The following ALDH8A1 variants were observed in gnomAD, a reference collection of about 807,000 sequenced individuals.
ALDH8A1 encodes 2-aminomuconic semialdehyde dehydrogenase.
ALDH8A1 carries 39 observed loss-of-function variants against 43.3 expected under a neutral mutation model. That is an observed-to-expected ratio of 0.90 (90% confidence interval 0.70 to 1.18). ALDH8A1 has a LOEUF of 1.18. Ranked by LOEUF, ALDH8A1 falls within the 50% of genes most tolerant of loss-of-function variation. The probability of loss-of-function intolerance (pLI) is 0.00; values close to 1 mark genes in which losing one functional copy is unlikely to be tolerated. For synonymous variants in ALDH8A1, 233 were observed against 243.5 expected (o/e 0.96, Z 0.40); for missense variants, 605 against 622.6 (o/e 0.97, Z 0.30).
At chr6:134,941,895 T>A (rs1031485180) in intron 3 of ALDH8A1, among the ~76,000 whole-genome samples, 1 of 151,954 alleles carries the variant, frequency 6.6e-6, no homozygotes, top group East Asian at 1.9e-4. Context: ...ACTCTTAGCA[T>A]CATTCTTTTC....
intron 1 of ALDH8A1, among the ~76,000 whole-genome samples, chr6:134,948,043 T>G (rs1773983982): frequency 6.6e-6 from 1 of 152,194 alleles, no homozygotes; most frequent in African/African-American, 2.4e-5. Flanking sequence ...ATATGGTATA[T>G]ATACACAATG....
chr6:134,928,597 T>G (rs920734335), intron 6 of ALDH8A1, among the ~76,000 whole-genome samples: 1 of 152,240 alleles, frequency 6.6e-6, no homozygotes, highest in Non-Finnish European at 1.5e-5. Flanking sequence ...ATTCAGAGAC[T>G]ATCAGTGGTT....
At position 134,950,000 on chromosome 6, in the gene ALDH8A1, A is replaced by C; in HGVS notation, c.54T>G (p.Phe18Leu). 6.2e-7 allele frequency: 1 copy of C among 1,613,168 alleles called. No individual in the cohort carries two copies. The highest frequency in any genetic ancestry group is 8.5e-7 in the Non-Finnish European group (1 of 1,179,580). The change falls in exon 1 of 7, where the codon TTT becomes TTG. Residue 18 changes from phenylalanine (F) to leucine (L), a missense_variant. Phe to Leu is a conservative substitution (Grantham distance 22, BLOSUM62 0). Transcript: ENST00000265605. ...LMLENFIDGK[F>L]LPCSSYIDSY... ...AATCTATATATGAGCTACAAGGTAA[A>C]AATTTTCCATCTATGAAGTTTTCCA...
intron 2 of ALDH8A1, among the ~76,000 whole-genome samples, chr6:134,943,609 T>C (rs985121864): frequency 6.6e-6 from 1 of 152,210 alleles, no homozygotes; most frequent in African/African-American, 2.4e-5. Context: ...GATCCAGCCA[T>C]GTGACTTTCT....
intron 6 of ALDH8A1, among the ~76,000 whole-genome samples, chr6:134,924,840 A>G (rs1256039575): frequency 6.6e-6 from 1 of 152,220 alleles, no homozygotes; most frequent in Non-Finnish European, 1.5e-5. Flanking sequence ...TGTTTATTTT[A>G]TGGGTGATGA....
chr6:134,948,826 A>C (rs1045756723), intron 1 of ALDH8A1, among the ~76,000 whole-genome samples: 2 of 152,244 alleles, frequency 1.3e-5, no homozygotes, highest in African/African-American at 4.8e-5. Context: ...GAAATATTTC[A>C]GCTGAATTTG....
At chr6:134,921,459 T>C (rs1419520724) in intron 6 of ALDH8A1, among the ~76,000 whole-genome samples, 2 of 152,202 alleles carry the variant, frequency 1.3e-5, no homozygotes, top group East Asian at 1.9e-4. Context: ...GAGACTTATC[T>C]TCAAGCCACA....
chr6:134,924,428 C>T (rs1003214096), intron 6 of ALDH8A1, among the ~76,000 whole-genome samples: 1 of 152,184 alleles, frequency 6.6e-6, no homozygotes, highest in East Asian at 1.9e-4. Flanking sequence ...ACTGGTGCCT[C>T]CATTTAATAA....
At chr6:134,936,439 G>C (rs1402493631) in intron 4 of ALDH8A1, among the ~76,000 whole-genome samples, 1 of 152,188 alleles carries the variant, frequency 6.6e-6, no homozygotes, top group Non-Finnish European at 1.5e-5. Flanking sequence ...GTGATGCGAC[G>C]AAACAAGGAC....
chr6:134,921,172 C>T (rs185366640), intron 6 of ALDH8A1, among the ~76,000 whole-genome samples: 21 of 152,300 alleles, frequency 1.4e-4, no homozygotes, highest in Admixed American at 1.2e-3. Flanking sequence ...AGATGCCCCT[C>T]ATTCTGTAGG....
intron 4 of ALDH8A1, among the ~76,000 whole-genome samples, chr6:134,934,080 GAA>G (rs1486133098): frequency 6.6e-6 from 1 of 152,192 alleles, no homozygotes; most frequent in Admixed American, 6.5e-5. Context: ...GCTAAGGGCA[GAA>G]ACAGTGTCTG....
At chr6:134,923,412 GT>G (rs1213672032) in intron 6 of ALDH8A1, among the ~76,000 whole-genome samples, 4 of 151,782 alleles carry the variant, frequency 2.6e-5, no homozygotes, top group South Asian at 4.2e-4. Flanking sequence ...GTTTTCAAAA[GT>G]TTTTTTTAAA....
intron 4 of ALDH8A1, among the ~76,000 whole-genome samples, chr6:134,934,779 T>G (rs937027172): frequency 6.6e-6 from 1 of 152,120 alleles, no homozygotes; most frequent in South Asian, 2.1e-4. Context: ...CCAGACTCCA[T>G]CTCAAAAATA....
chr6:134,929,205 CAGATTTCACCCTGCCA>C lies in ALDH8A1; in HGVS notation c.850-6_859del, dbSNP rs1249546743. ...GACAAAGATCCTGCTGGTACAGAGA[CAGATTTCACCCTGCCA>C]AGAATGAGAACAGGGATAAGGCTGC... On this transcript the variant is annotated splice_acceptor_variant and splice_polypyrimidine_tract_variant and coding_sequence_variant and intron_variant, in exon 6 of 7. Transcript: ENST00000265605. LOFTEE classifies it high-confidence loss of function. 1.9e-6 allele frequency: 3 copies of C among 1,613,784 alleles called. No individual in the cohort carries two copies. Among genetic ancestry groups the C allele is most frequent in the Non-Finnish European group, 2.5e-6 (3 of 1,179,948 alleles).
chr6:134,941,881 A>G (rs1164127825), intron 3 of ALDH8A1, among the ~76,000 whole-genome samples: 1 of 151,786 alleles, frequency 6.6e-6, no homozygotes, highest in Non-Finnish European at 1.5e-5. Flanking sequence ...GAATTTACAT[A>G]TTTACTCTTA....
chr6:134,946,778 G>A (rs1773957848), intron 1 of ALDH8A1, among the ~76,000 whole-genome samples: 1 of 149,444 alleles, frequency 6.7e-6, no homozygotes, highest in African/African-American at 2.6e-5. Context: ...GTGCGCATGT[G>A]TGCGCGCGCG....
At chr6:134,941,689 G>A (rs1454830225) in intron 3 of ALDH8A1, among the ~76,000 whole-genome samples, 2 of 151,350 alleles carry the variant, frequency 1.3e-5, no homozygotes, top group Non-Finnish European at 2.9e-5. Flanking sequence ...CGCGCCCGGT[G>A]AATTTTTGTA....
Position 134,943,816 on chromosome 6 carries a change from C to T in ALDH8A1, c.286+3G>A, listed in dbSNP as rs1368189891. ...CATGTTACAGTTAAGAGGCAACTCT[C>T]ACCTTGGTCTTTAGACTCGGCCTGG... is the stretch of plus-strand genomic sequence containing the variant. On this transcript the variant is annotated splice_donor_region_variant and intron_variant, in intron 2 of 6. Transcript: ENST00000265605. 6.2e-7 allele frequency: 1 copy of T among 1,613,896 alleles called. No individual in the cohort carries two copies. The highest frequency in any genetic ancestry group is 8.5e-7 in the Non-Finnish European group (1 of 1,179,900).
At chr6:134,935,729 C>A (rs1349917402) in intron 4 of ALDH8A1, among the ~76,000 whole-genome samples, 2 of 152,148 alleles carry the variant, frequency 1.3e-5, no homozygotes, top group African/African-American at 4.8e-5. Flanking sequence ...AAACATACTC[C>A]TTTGGATACA....
Sources: allele counts gnomAD v4.1 joint callset (sites outside exome capture counted in the v4.1 genomes callset), GRCh38; gene constraint gnomAD v4.1.1; transcripts MANE v1.5; gene names NCBI Gene and HGNC (gene_info 2026-07-23, HGNC 2026-07-21).